The following TLK2 variants were observed in gnomAD, a reference collection of about 807,000 sequenced individuals.
TLK2 encodes the protein tousled like kinase 2, also known as serine/threonine-protein kinase tousled-like 2.
A neutral mutation model predicts 117.3 loss-of-function variants in TLK2; 6 were observed. That is an observed-to-expected ratio of 0.05 (90% confidence interval 0.03 to 0.10). The LOEUF (loss-of-function observed/expected upper bound fraction) is 0.10. Ranked by LOEUF, TLK2 falls within the 10% of genes least tolerant of loss-of-function variation. The probability of loss-of-function intolerance (pLI) is 1.00; values close to 1 mark genes in which losing one functional copy is unlikely to be tolerated. For missense variants in TLK2, 299 were observed against 901.2 expected (o/e 0.33, Z 8.56); for synonymous variants, 257 against 316.7 (o/e 0.81, Z 2.00).
rs1360812835 is a variant in TLK2, at chr17:62,553,699, A to C, written c.664A>C (p.Asn222His). ...LTIEKISALE[N>H]SKNSDLEKKE... is the part of the protein sequence containing the mutation. ...AATAGAAAAAATATCTGCACTAGAA[A>C]ACAGTAAGAATTCTGACTTAGAGAA... is the stretch of plus-strand genomic sequence containing the variant. Residue 222 changes from asparagine to histidine, a missense_variant, in exon 9 of 22, where the codon AAC (asparagine) becomes CAC (histidine). This residue lies in a region of TLK2 where 94 missense variants were observed against 282.6 expected (regional missense o/e 0.33). Coordinates refer to ENST00000346027, the MANE Select transcript of TLK2 (RefSeq NM_006852.6). 1 of 1,612,296 alleles carries C rather than the reference A, an allele frequency of 6.2e-7. No individual in the cohort carries two copies. Among genetic ancestry groups the C allele is most frequent in the South Asian group, 1.1e-5 (1 of 91,036 alleles).
At chr17:62,479,874 T>A (rs567331553) in intron 1 of TLK2, among the ~76,000 whole-genome samples, 41 of 152,338 alleles carry the variant, frequency 2.7e-4, no homozygotes, top group African/African-American at 9.6e-4. Flanking sequence ...CTGCAACCTT[T>A]GCCATTCCGA....
intron 16 of TLK2, among the ~76,000 whole-genome samples, chr17:62,590,442 CAAAAA>C (rs1220280980): frequency 6.6e-6 from 1 of 151,848 alleles, no homozygotes; most frequent in Non-Finnish European, 1.5e-5. Context: ...GACTCCGTCT[CAAAAA>C]CAAAAACAGC....
chr17:62,591,357 TAA>T (rs112140835), intron 16 of TLK2, among the ~76,000 whole-genome samples: 5 of 144,490 alleles, frequency 3.5e-5, no homozygotes, highest in South Asian at 2.2e-4. Flanking sequence ...ATATGTAATT[TAA>T]AAAAAAAAAA....
At chr17:62,604,997 A>T (rs1568012067) in intron 19 of TLK2, among the ~76,000 whole-genome samples, 1 of 152,016 alleles carries the variant, frequency 6.6e-6, no homozygotes, top group Non-Finnish European at 1.5e-5. Flanking sequence ...TTAAGGTTAT[A>T]CTTATCCAAG....
rs578161004 is a variant in TLK2 at position 62,525,601 on chromosome 17, A to T, written c.363+1270A>T. ...GTAGCTCGTAGTACAGGCATGTACC[A>T]CTACGCCCGGCTAATTTTTGTATTT... On this transcript the variant is annotated intron_variant, in intron 6 of 21. Transcript: ENST00000346027. Among the ~76,000 whole-genome samples, 6 of 152,226 alleles carry T rather than the reference A, an allele frequency of 3.9e-5. No homozygotes were observed. In the East Asian group the frequency reaches 1.2e-3, roughly 29 times the overall value.
chr17:62,527,143 C>T (rs2076417284), intron 6 of TLK2, among the ~76,000 whole-genome samples: 1 of 152,174 alleles, frequency 6.6e-6, no homozygotes, highest in African/African-American at 2.4e-5. Context: ...ACATTCTTTT[C>T]TCAGATACCA....
chr17:62,561,095 T>TG (rs1250697100), intron 10 of TLK2, among the ~76,000 whole-genome samples: 2 of 152,164 alleles, frequency 1.3e-5, no homozygotes, highest in Non-Finnish European at 1.5e-5. Flanking sequence ...TTTTTGTCCT[T>TG]GCGATAGTTT....
chr17:62,596,984 GTTTATT>G (rs2082525639), intron 17 of TLK2, among the ~76,000 whole-genome samples: 1 of 151,524 alleles, frequency 6.6e-6, no homozygotes, highest in Admixed American at 6.6e-5. Flanking sequence ...TGTACCACCT[GTTTATT>G]TTTGTTTTTT....
At chr17:62,519,894 C>T (rs1269833544) in intron 2 of TLK2, among the ~76,000 whole-genome samples, 6 of 152,140 alleles carry the variant, frequency 3.9e-5, no homozygotes, top group Admixed American at 1.3e-4. Flanking sequence ...ATCTTCATTA[C>T]ATCCAGGAAC....
At chr17:62,489,845 TA>T (rs1328634601) in intron 2 of TLK2, among the ~76,000 whole-genome samples, 3 of 152,216 alleles carry the variant, frequency 2.0e-5, no homozygotes, top group African/African-American at 7.2e-5. Context: ...TTTTTATTTT[TA>T]TTTTTTTGAG....
At chr17:62,509,101 T>G (rs1380220451) in intron 2 of TLK2, among the ~76,000 whole-genome samples, 1 of 152,190 alleles carries the variant, frequency 6.6e-6, no homozygotes, top group Non-Finnish European at 1.5e-5. Context: ...TATTTATTTA[T>G]TTTTCGAGAC....
Position 62,596,573 on chromosome 17 carries a change from T to TTTTG in TLK2, c.1461-8_1461-5dup. On this transcript the variant is annotated splice_polypyrimidine_tract_variant and intron_variant, in intron 16 of 21. Coordinates refer to ENST00000346027, the MANE Select transcript of TLK2 (RefSeq NM_006852.6). ...AATATACCTTCTTGTTAATTTTCCCTTTTGTTTACAGGCATGCATGTAGGG... is the reference window on the plus strand; with the variant it reads ...AATATACCTTCTTGTTAATTTTCCCTTTTGTTTGTTTACAGGCATGCATGTAGGG... 2.1e-5 allele frequency: 34 copies of TTTTG among 1,610,882 alleles called. No homozygotes were observed. The highest frequency in any genetic ancestry group is 2.9e-5 in the Non-Finnish European group (34 of 1,177,428).
At chr17:62,559,984 G>A (rs751755055) in intron 9 of TLK2, 32 bp from the exon 10 acceptor site, 8 of 1,458,454 alleles carry the variant, frequency 5.5e-6, no homozygotes, top group Non-Finnish European at 7.6e-6. Context: ...CTTCTTCCTT[G>A]GAGCTAATTA....
intron 2 of TLK2, among the ~76,000 whole-genome samples, chr17:62,512,020 C>G (rs529428486): frequency 6.6e-6 from 1 of 152,268 alleles, no homozygotes; most frequent in South Asian, 2.1e-4. Flanking sequence ...TTTACATTCT[C>G]ACTAGCAATA....
At chr17:62,515,379 G>A (rs1357634189) in intron 2 of TLK2, among the ~76,000 whole-genome samples, 1 of 152,106 alleles carries the variant, frequency 6.6e-6, no homozygotes, top group African/African-American at 2.4e-5. Context: ...CGATAATTCC[G>A]TTTTTGAGGA....
intron 1 of TLK2, among the ~76,000 whole-genome samples, chr17:62,472,988 T>C (rs1040062996): frequency 6.6e-5 from 10 of 152,056 alleles, no homozygotes; most frequent in African/African-American, 1.2e-4. Context: ...ACACCACAAA[T>C]TGTCCACTTA....
Position 62,604,868 on chromosome 17 carries a change from C to CA in TLK2, c.1860-1249dup, listed in dbSNP as rs750239129. ...CTGGCAATGGAGCGAGACTCTGTCT[C>CA]AAAAAAAAAAAAATCTTGCTAACTT... On this transcript the variant is annotated intron_variant, in intron 19 of 21. Transcript: ENST00000346027. Among the ~76,000 whole-genome samples, 950 of 136,774 alleles carry CA rather than the reference C, an allele frequency of 6.9e-3. 8 individuals carry two copies. Among genetic ancestry groups the CA allele is most frequent in the African/African-American group, 0.02 (755 of 37,202 alleles). 89.7% of individuals were successfully genotyped at this position (136,774 alleles called of 152,430 possible).
intron 2 of TLK2, among the ~76,000 whole-genome samples, chr17:62,505,059 C>T (rs1453643742): frequency 6.6e-6 from 1 of 151,844 alleles, no homozygotes; most frequent in East Asian, 1.9e-4. Flanking sequence ...GCCCAGGTCT[C>T]GAGTTCCTGA....
rs573512581 is a variant in TLK2 at position 62,535,959 on chromosome 17, A to G, written c.364-211A>G. Among the ~76,000 whole-genome samples the G allele has an allele frequency of 1.6e-4, 24 of 152,292 alleles. No individual in the cohort carries two copies. In the East Asian group the frequency reaches 4.0e-3, roughly 26 times the overall value. On this transcript the variant is annotated intron_variant, in intron 6 of 21. Transcript: ENST00000346027. The stretch of plus-strand genomic sequence containing the variant: ...ATAAATATAGAACCATTAAAATATA[A>G]TGTCAAAGAATTTGAGTAAGATAGT...
Sources: gnomAD v4.1 joint callset for allele counts (sites outside exome capture counted in the v4.1 genomes callset) on GRCh38, gnomAD v4.1.1 for gene constraint, gnomAD v4.1.1 regional missense constraint, MANE v1.5 for transcripts, NCBI Gene and HGNC (gene_info 2026-07-23, HGNC 2026-07-21) for gene names.